Variants in PANX1 observed in about 807,000 individuals in gnomAD.
PANX1 encodes the protein pannexin-1.
PANX1 carries 30 observed loss-of-function variants against 38.7 expected under a neutral mutation model. That is an observed-to-expected ratio of 0.78 (90% CI 0.58 to 1.05). The LOEUF (loss-of-function observed/expected upper bound fraction) is 1.05. PANX1 is among the 50% of genes least tolerant of loss of function. The pLI, the probability that PANX1 is intolerant of heterozygous loss-of-function variation, is 0.00. For missense variants in PANX1, 551 were observed against 517.2 expected (o/e 1.07, Z -0.63); for synonymous variants, 230 against 212.2 (o/e 1.08, Z -0.73).
At chr11:94,132,310 C>T (rs1487396010) in intron 1 of PANX1, among the ~76,000 whole-genome samples, 2 of 152,150 alleles carry the variant, frequency 1.3e-5, no homozygotes, top group Non-Finnish European at 2.9e-5. Flanking sequence ...TTCATGGAAC[C>T]TGGGCAGTGT....
At chr11:94,137,024 A>G (rs1344802058) in intron 1 of PANX1, among the ~76,000 whole-genome samples, 1 of 151,592 alleles carries the variant, frequency 6.6e-6, no homozygotes, top group East Asian at 2.0e-4. Context: ...GGGAGGTGCT[A>G]CACATTTCTA....
chr11:94,162,930 G>A (rs1281663995), intron 2 of PANX1, among the ~76,000 whole-genome samples: 3 of 142,310 alleles, frequency 2.1e-5, no homozygotes, highest in East Asian at 2.1e-4. Flanking sequence ...TGAGTGTAGT[G>A]GCACAAACAT....
At chr11:94,133,992 G>C (rs1172996638) in intron 1 of PANX1, among the ~76,000 whole-genome samples, 1 of 151,666 alleles carries the variant, frequency 6.6e-6, no homozygotes, top group African/African-American at 2.4e-5. Flanking sequence ...TCCTGGGTCA[G>C]GCCTGTCCTG....
At chr11:94,174,030 G>A (rs1947200765) in intron 2 of PANX1, among the ~76,000 whole-genome samples, 1 of 151,330 alleles carries the variant, frequency 6.6e-6, no homozygotes, top group South Asian at 2.1e-4. Flanking sequence ...TGTTCCTAGG[G>A]TGGTAGATGC....
At chr11:94,129,787 CAGATTTGCCAAG>C (rs1591500057) in intron 1 of PANX1, among the ~76,000 whole-genome samples, 2 of 152,166 alleles carry the variant, frequency 1.3e-5, no homozygotes, top group East Asian at 3.9e-4. Flanking sequence ...ACCTTGCCAC[CAGATTTGCCAAG>C]AATAGCTGTG....
At chr11:94,144,748 T>C (rs377684965) in intron 1 of PANX1, among the ~76,000 whole-genome samples, 173 of 152,296 alleles carry the variant, frequency 1.1e-3, no homozygotes, top group African/African-American at 3.8e-3. Context: ...TCCCTGGCCA[T>C]TCATCCTCAG....
chr11:94,158,918 G>A (rs1172915618), intron 2 of PANX1, among the ~76,000 whole-genome samples: 4 of 152,168 alleles, frequency 2.6e-5, no homozygotes, highest in Admixed American at 2.0e-4. Context: ...TTTGAGATAC[G>A]TGCCATCAAT....
At position 94,149,228 on chromosome 11, in the gene PANX1, C is replaced by G. The variant is rs181044634; in HGVS notation, c.182-4263C>G. Reference sequence around the variant, plus strand: ...GTGGAACAAGAATGGAGAGCCATCCCACTGTGGTGTCTTTGAGAAACCTCT... The same window carrying G: ...GTGGAACAAGAATGGAGAGCCATCCGACTGTGGTGTCTTTGAGAAACCTCT... On this transcript the variant is annotated intron_variant, in intron 1 of 4. Coordinates refer to ENST00000227638, the MANE Select transcript of PANX1 (RefSeq NM_015368.4). Among the ~76,000 whole-genome samples the G allele has an allele frequency of 5.3e-5, 8 of 152,288 alleles. No homozygotes were observed. In the East Asian group the frequency reaches 1.2e-3, roughly 22 times the overall value.
At chr11:94,131,076 G>C (rs1946624589) in intron 1 of PANX1, among the ~76,000 whole-genome samples, 1 of 152,172 alleles carries the variant, frequency 6.6e-6, no homozygotes, top group Non-Finnish European at 1.5e-5. Flanking sequence ...TCTCCCTTTG[G>C]TCAATTCCTC....
At chr11:94,165,496 T>C (rs926223422) in intron 2 of PANX1, among the ~76,000 whole-genome samples, 4 of 152,218 alleles carry the variant, frequency 2.6e-5, no homozygotes, top group African/African-American at 9.6e-5. Context: ...ATGGGCTAAA[T>C]GCTCCAATTA....
chr11:94,141,527 C>T (rs1946761494), intron 1 of PANX1, among the ~76,000 whole-genome samples: 2 of 152,156 alleles, frequency 1.3e-5, no homozygotes, highest in South Asian at 4.1e-4. Flanking sequence ...GCTTGTTTTC[C>T]TTGGCTTATG....
chr11:94,145,563 C>G (rs1946819329), intron 1 of PANX1, among the ~76,000 whole-genome samples: 1 of 152,186 alleles, frequency 6.6e-6, no homozygotes, highest in Non-Finnish European at 1.5e-5. Context: ...AGGCTGGGAC[C>G]TAGAAGTGAT....
intron 2 of PANX1, among the ~76,000 whole-genome samples, chr11:94,167,863 G>A (rs1438435075): frequency 6.6e-6 from 1 of 152,226 alleles, no homozygotes; most frequent in African/African-American, 2.4e-5. Context: ...CATGGAAGAA[G>A]GCAGTGAGAG....
chr11:94,180,238 C>A lies in PANX1; in HGVS notation c.1182C>A (p.Asn394Lys). Residue 394 changes from asparagine to lysine, a missense_variant, in exon 4 of 5, where the codon AAC (asparagine) becomes AAA (lysine). Coordinates refer to ENST00000227638, the MANE Select transcript of PANX1 (RefSeq NM_015368.4). ...MSAEMREEQG[N>K]QTAELQGMNI... is the part of the protein sequence containing the mutation. ...CAGAGATGAGAGAGGAGCAGGGGAA[C>A]CAGACGGCAGAGCTCCAAGGTAGGG... The A allele has an allele frequency of 6.2e-7, 1 of 1,605,216 alleles. No individual in the cohort carries two copies. The highest frequency in any genetic ancestry group is 1.1e-5 in the South Asian group (1 of 90,490).
chr11:94,158,964 G>C (rs946869404), intron 2 of PANX1, among the ~76,000 whole-genome samples: 8 of 152,194 alleles, frequency 5.3e-5, no homozygotes, highest in Admixed American at 2.6e-4. Context: ...ATGAAGGGTT[G>C]TTGAATTTTG....
chr11:94,158,604 C>G (rs1946983438), intron 2 of PANX1, among the ~76,000 whole-genome samples: 1 of 152,104 alleles, frequency 6.6e-6, no homozygotes, highest in Admixed American at 6.6e-5. Context: ...ATTTTGTATC[C>G]TGAGACTTTG....
At chr11:94,154,113 A>G (rs1176031931) in intron 2 of PANX1, among the ~76,000 whole-genome samples, 1 of 152,186 alleles carries the variant, frequency 6.6e-6, no homozygotes, top group Non-Finnish European at 1.5e-5. Context: ...CAAAAAGCCT[A>G]GTGATGAGGC....
chr11:94,180,804 A>G lies in PANX1; in HGVS notation c.1216A>G (p.Ser406Gly). Residue 406 changes from serine (S) to glycine (G), a missense_variant, in exon 5 of 5, where the codon AGT becomes GGT. Coordinates refer to ENST00000227638, the MANE Select transcript of PANX1 (RefSeq NM_015368.4). Reference sequence around the variant, plus strand: ...AATTTTGACAGGTATGAACATAGACAGTGAAACTAAAGCAAATAATGGAGA... The same window carrying G: ...AATTTTGACAGGTATGAACATAGACGGTGAAACTAAAGCAAATAATGGAGA... ...TAELQGMNID[S>G]ETKANNGEKN... The G allele has an allele frequency of 6.5e-7, 1 of 1,535,368 alleles. No individual in the cohort carries two copies. The highest frequency in any genetic ancestry group is 9.0e-7 in the Non-Finnish European group (1 of 1,108,124).
rs780208325 is a variant in PANX1 at position 94,129,533 on chromosome 11, T to TGG, written c.181+40_181+41insGG. ...GGACGGAGGGGAGTGGCCGCCCCGG[T>TGG]CTGGCCCGGTGAGCTGCGATTTTAC... is the stretch of plus-strand genomic sequence containing the variant. On this transcript the variant is annotated intron_variant, in intron 1 of 4. Coordinates refer to ENST00000227638, the MANE Select transcript of PANX1 (RefSeq NM_015368.4). 27 of 1,555,306 alleles carry TGG rather than the reference T, an allele frequency of 1.7e-5. No homozygotes were observed. The East Asian group carries it at 5.6e-4, about 32-fold the overall frequency.
Sources: gnomAD v4.1 joint callset for allele counts (sites outside exome capture counted in the v4.1 genomes callset) on GRCh38, gnomAD v4.1.1 for gene constraint, MANE v1.5 for transcripts, NCBI Gene and HGNC (gene_info 2026-07-23, HGNC 2026-07-21) for gene names.